The following FANCD2 variants were observed in gnomAD, a reference collection of about 807,000 sequenced individuals.
FANCD2 encodes Fanconi anemia group D2 protein.
A neutral mutation model predicts 192.3 loss-of-function variants in FANCD2; 131 were observed. The ratio of observed to expected loss-of-function variants is 0.68; its 90% CI spans 0.59 to 0.79. The LOEUF (loss-of-function observed/expected upper bound fraction) is 0.79, where lower values mean the gene tolerates loss of function less well. Ranked by LOEUF, FANCD2 falls within the 30% of genes least tolerant of loss-of-function variation. The pLI is 0.00. For missense variants in FANCD2, 1,508 were observed against 1,701.6 expected (o/e 0.89, Z 2.00); for synonymous variants, 524 against 612.5 (o/e 0.86, Z 2.13).
chr3:10,060,178 A>AAC (rs1364829981), intron 18 of FANCD2, 116 bp from the exon 19 acceptor site: 1 of 730,416 alleles, frequency 1.4e-6, no homozygotes, highest in East Asian at 2.7e-5. Flanking sequence ...AAAAAAAAAA[A>AAC]AAAACAGTTA....
Position 10,042,614 on chromosome 3 carries a change from T to C in FANCD2, c.839T>C (p.Val280Ala). 1 of 1,614,096 alleles carries C rather than the reference T, an allele frequency of 6.2e-7. No individual in the cohort carries two copies. The highest frequency in any genetic ancestry group is 1.1e-5 in the South Asian group (1 of 91,076). Residue 280 changes from valine to alanine, a missense_variant, in exon 11 of 44, where the codon GTG becomes GCG. By Grantham distance (64) the Val-to-Ala change is moderately conservative. Transcript: ENST00000675286. The part of the protein sequence containing the change: ...LSSIRLEDLP[V>A]IIKFILHSVT... ...TCTATTAGATTGGAGGATTTACCTGTGATAATAAAGTTCATTCTTCATTCC... is the reference window on the plus strand; with the variant it reads ...TCTATTAGATTGGAGGATTTACCTGCGATAATAAAGTTCATTCTTCATTCC...
intron 15 of FANCD2, among the ~76,000 whole-genome samples, 154 bp from the exon 16 acceptor site, chr3:10,047,763 A>T (rs1387037667): frequency 6.6e-6 from 1 of 152,206 alleles, no homozygotes; most frequent in Non-Finnish European, 1.5e-5. Context: ...ATGATGAAGG[A>T]TTATTTTTGT....
rs950337384 is a variant in FANCD2 at position 10,101,377 on chromosome 3, C to CTTTTTT, written c.*135_*140dup. Reference sequence around the variant, plus strand: ...ACTGGTAGGATCCTTTTTTGTTCCTCTTTTTTTTTTTTTTTTTTTTTTTTT... The same window carrying CTTTTTT: ...ACTGGTAGGATCCTTTTTTGTTCCTCTTTTTTTTTTTTTTTTTTTTTTTTTTTTTTT... On this transcript the variant is annotated 3_prime_UTR_variant, in exon 44 of 44. Transcript: ENST00000675286. 2 of 388,514 alleles carry CTTTTTT rather than the reference C, an allele frequency of 5.1e-6. No individual in the cohort carries two copies. Among genetic ancestry groups the CTTTTTT allele is most frequent in the Non-Finnish European group, 9.2e-6 (2 of 218,468 alleles). 24.1% of individuals were successfully genotyped at this position (388,514 alleles called of 1,614,324 possible).
intron 18 of FANCD2, chr3:10,058,172 C>A: frequency 3.0e-6 from 1 of 328,720 alleles, no homozygotes; most frequent in Non-Finnish European, 6.0e-6. Flanking sequence ...ACCTGTCTTC[C>A]GCACGAAGAG....
intron 34 of FANCD2, 72 bp from the exon 35 acceptor site, chr3:10,088,377 C>A: frequency 1.1e-6 from 1 of 940,568 alleles, no homozygotes; most frequent in Non-Finnish European, 1.8e-6. Context: ...AATAATCATC[C>A]TCAAAAACCT....
rs1186306483 is a variant in FANCD2, at chr3:10,096,389, GT to G, written c.4105del (p.Cys1369AlafsTer21). ...PLLKKTLELL[V>X]CRVKAMLTLN... ...GCTCAAAAAGACCCTGGAACTTTTA[GT>G]TTGCAGAGTCAAAGCTATGCTCACT... On this transcript the variant is annotated frameshift_variant, in exon 42 of 44. Transcript: ENST00000675286. LOFTEE classifies it high-confidence loss of function. 6.2e-7 allele frequency: 1 copy of G among 1,614,092 alleles called. No homozygotes were observed. Among genetic ancestry groups the G allele is most frequent in the Non-Finnish European group, 8.5e-7 (1 of 1,179,932 alleles).
chr3:10,048,077 A>C (rs2087080171), intron 16 of FANCD2, 26 bp downstream of exon 16: 1 of 1,614,116 alleles, frequency 6.2e-7, no homozygotes, highest in Non-Finnish European at 8.5e-7. Flanking sequence ...TATTTTGGCA[A>C]GGAGGGAACA....
intron 9 of FANCD2, 163 bp downstream of exon 9, chr3:10,040,008 A>T: frequency 1.5e-6 from 1 of 661,774 alleles, no homozygotes; most frequent in Non-Finnish European, 2.5e-6. Context: ...AAAAAGGTAT[A>T]TATTTGAATA....
intron 18 of FANCD2, chr3:10,057,940 T>G (rs1309786563): frequency 1.3e-5 from 4 of 300,040 alleles, no homozygotes; most frequent in Non-Finnish European, 2.0e-5. Context: ...CATGAGATAT[T>G]TGTTTTGTAA....
At chr3:10,090,443 ATTTTTTTTTTTTTT>A (rs773716319) in intron 37 of FANCD2, 58 bp downstream of exon 37, 36 of 342,310 alleles carry the variant, frequency 1.1e-4, no homozygotes, top group Non-Finnish European at 1.5e-4. Flanking sequence ...GAAGTTGCTG[ATTTTTTTTTTTTTT>A]TTTTTTTTTT....
intron 30 of FANCD2, among the ~76,000 whole-genome samples, chr3:10,080,797 A>G (rs912931094): frequency 3.9e-5 from 6 of 152,152 alleles, no homozygotes; most frequent in Admixed American, 6.6e-5. Context: ...GAAGGAGTCT[A>G]TTGCCCTACA....
rs764217987 is a variant in FANCD2, at chr3:10,052,444, G to A, written c.1603G>A (p.Val535Ile). 2 of 1,612,872 alleles carry A rather than the reference G, an allele frequency of 1.2e-6. No individual in the cohort carries two copies. Among genetic ancestry groups the A allele is most frequent in the Non-Finnish European group, 8.5e-7 (1 of 1,179,938 alleles). The change falls in exon 18 of 44, where the codon GTT (valine) becomes ATT (isoleucine). Residue 535 changes from valine to isoleucine, a missense_variant. Physicochemically the swap from Val to Ile is conservative, Grantham distance 29. Transcript: ENST00000675286. ...SPQQIRKLFY[V>I]LSTLAFSKQN... ...TCAGCAAATACGAAAACTCTTCTAT[G>A]TTCTCAGCACACTGGCATTTAGCAA...
chr3:10,067,339 G>GGCCTA, intron 26 of FANCD2, 22 bp downstream of exon 26: 6 of 1,415,148 alleles, frequency 4.2e-6, no homozygotes, highest in Non-Finnish European at 6.0e-6. Flanking sequence ...GTCCTATACT[G>GGCCTA]GTAGTACTAC....
chr3:10,042,789 T>C, intron 11 of FANCD2, 126 bp downstream of exon 11: 2 of 838,674 alleles, frequency 2.4e-6, no homozygotes, highest in East Asian at 2.4e-5. Context: ...ATGGAGCTAT[T>C]CAACAGATTC....
intron 21 of FANCD2, 79 bp from the exon 22 acceptor site, chr3:10,064,277 A>C (rs1250236905): frequency 3.1e-5 from 30 of 962,506 alleles, no homozygotes; most frequent in Non-Finnish European, 4.9e-5. Flanking sequence ...TGAGACTTAG[A>C]AAGGTTAAGA....
intron 27 of FANCD2, 136 bp downstream of exon 27, chr3:10,073,117 A>AT (rs1693346806): frequency 2.3e-6 from 2 of 860,860 alleles, no homozygotes; most frequent in Non-Finnish European, 3.8e-6. Flanking sequence ...ATTTATAAAT[A>AT]TACTGTAATT....
chr3:10,033,805 A>G (rs1253245257), intron 3 of FANCD2, among the ~76,000 whole-genome samples: 6 of 14,080 alleles, frequency 4.3e-4, no homozygotes, highest in Middle Eastern at 0.018. Context: ...GGTTCACACC[A>G]TTCTGCCTCA....
At chr3:10,063,203 G>A (rs1261781757) in intron 20 of FANCD2, among the ~76,000 whole-genome samples, 3 of 152,148 alleles carry the variant, frequency 2.0e-5, no homozygotes, top group African/African-American at 7.2e-5. Context: ...GGGAGACCAA[G>A]GCAGGAGGAT....
At chr3:10,069,696 G>A (rs903653867) in intron 26 of FANCD2, among the ~76,000 whole-genome samples, 6 of 152,090 alleles carry the variant, frequency 3.9e-5, no homozygotes, top group African/African-American at 1.5e-4. Flanking sequence ...GCTCCTAACC[G>A]CGAGTGATCC....
Sources: allele counts gnomAD v4.1 joint callset (sites outside exome capture counted in the v4.1 genomes callset), GRCh38; gene constraint gnomAD v4.1.1; transcripts MANE v1.5; gene names NCBI Gene and HGNC (gene_info 2026-07-23, HGNC 2026-07-21).